SLC24A2: variants seen among roughly 807,000 people sequenced by gnomAD.
The protein encoded by SLC24A2 is solute carrier family 24 member 2.
A neutral mutation model predicts 62.0 loss-of-function variants in SLC24A2; 36 were observed. The observed-to-expected ratio is 0.58, with a 90% confidence interval of 0.44 to 0.77. SLC24A2 has a LOEUF of 0.77. Ranked by LOEUF, SLC24A2 falls within the 30% of genes least tolerant of loss-of-function variation. The probability of loss-of-function intolerance (pLI) is 0.00; values close to 1 mark genes in which losing one functional copy is unlikely to be tolerated. For missense variants in SLC24A2, 846 were observed against 817.9 expected, an observed-to-expected ratio of 1.03 and a Z score of -0.42; for synonymous variants, 358 against 294.0, an observed-to-expected ratio of 1.22 and a Z score of -2.23.
chr9:19,610,778 T>C (rs1298617718), intron 4 of SLC24A2, among the ~76,000 whole-genome samples: 1 of 152,232 alleles, frequency 6.6e-6, no homozygotes, highest in Non-Finnish European at 1.5e-5. Context: ...CAGAGCCCTT[T>C]GACAGGGCAT....
At chr9:19,567,956 G>A (rs1835724975) in intron 7 of SLC24A2, among the ~76,000 whole-genome samples, 1 of 152,200 alleles carries the variant, frequency 6.6e-6, no homozygotes, top group African/African-American at 2.4e-5. Flanking sequence ...GAGATGAGGT[G>A]ACAATGTGAA....
chr9:19,515,018 C>T lies in SLC24A2; in HGVS notation c.*1135G>A, dbSNP rs989158700. On this transcript the variant is annotated 3_prime_UTR_variant, in exon 11 of 11. Coordinates refer to ENST00000341998, the MANE Select transcript of SLC24A2 (RefSeq NM_020344.4). ...ATTAGGTGGCAAGGCCCACTAAGCA[C>T]CTTTACTGGATGACTTCTTATTGCA... The T allele has an allele frequency of 6.6e-6, 1 of 152,212 alleles. No homozygotes were observed. The highest frequency in any genetic ancestry group is 6.5e-5 in the Admixed American group (1 of 15,278). 9.4% of individuals were successfully genotyped at this position (152,212 alleles called of 1,614,324 possible). A position where few individuals can be genotyped will look rare whatever the true frequency, so the allele number is the denominator to read the frequency against.
chr9:20,140,303 G>T, the SLC24A2 span, among the ~76,000 whole-genome samples: 87 of 152,220 alleles, frequency 5.7e-4, no homozygotes, highest in Non-Finnish European at 9.6e-4. Context: ...ATGCATTTTT[G>T]TTCAAAACCT....
the SLC24A2 span, among the ~76,000 whole-genome samples, chr9:20,213,750 A>C: frequency 6.6e-6 from 1 of 152,224 alleles, no homozygotes; most frequent in African/African-American, 2.4e-5. Context: ...AAACTTATGT[A>C]AACTAATAAC....
At chr9:20,032,739 T>C in the SLC24A2 span, among the ~76,000 whole-genome samples, 1 of 152,294 alleles carries the variant, frequency 6.6e-6, no homozygotes, top group Non-Finnish European at 1.5e-5. Context: ...TTAGAGTTTC[T>C]TGCCATGAAT....
At chr9:19,725,014 G>T (rs1821130216) in intron 2 of SLC24A2, among the ~76,000 whole-genome samples, 1 of 152,064 alleles carries the variant, frequency 6.6e-6, no homozygotes, top group African/African-American at 2.4e-5. Context: ...TCCAGCGCTG[G>T]TCTGCACCAT....
chr9:19,967,548 G>A, the SLC24A2 span: 1 of 152,194 alleles, frequency 6.6e-6, no homozygotes, highest in Non-Finnish European at 1.5e-5. Context: ...GGGTAGCTCT[G>A]ATGCAATTTA....
the SLC24A2 span, among the ~76,000 whole-genome samples, chr9:20,184,105 AG>A: frequency 6.6e-6 from 1 of 152,270 alleles, no homozygotes; most frequent in African/African-American, 2.4e-5. Flanking sequence ...AAATGGGCAA[AG>A]AACCTGAATA....
the SLC24A2 span, among the ~76,000 whole-genome samples, chr9:20,205,155 G>A: frequency 6.6e-6 from 1 of 152,116 alleles, no homozygotes; most frequent in African/African-American, 2.4e-5. Context: ...ATAACTTGTT[G>A]AATTCTTAAT....
the SLC24A2 span, among the ~76,000 whole-genome samples, chr9:20,138,280 C>A: frequency 6.6e-6 from 1 of 152,052 alleles, no homozygotes; most frequent in African/African-American, 2.4e-5. Flanking sequence ...GCCAAATGTG[C>A]TTTGTCATTT....
At chr9:19,665,736 C>T (rs1431167758) in intron 2 of SLC24A2, among the ~76,000 whole-genome samples, 1 of 152,070 alleles carries the variant, frequency 6.6e-6, no homozygotes, top group Non-Finnish European at 1.5e-5. Context: ...GTGATCTGCC[C>T]ACCTCAGCCC....
At chr9:20,113,373 T>C in the SLC24A2 span, among the ~76,000 whole-genome samples, 1 of 152,168 alleles carries the variant, frequency 6.6e-6, no homozygotes, top group Non-Finnish European at 1.5e-5. Context: ...TTCACAGGAC[T>C]GTTTGAGCAT....
At chr9:19,652,509 T>C (rs76003794) in intron 2 of SLC24A2, among the ~76,000 whole-genome samples, 2,142 of 152,094 alleles carry the variant, frequency 0.014, 59 homozygotes, top group African/African-American at 0.049. Flanking sequence ...GTGATGCACT[T>C]TGAAGATGGG....
chr9:19,752,630 A>G (rs1822019677), intron 2 of SLC24A2, among the ~76,000 whole-genome samples: 1 of 151,224 alleles, frequency 6.6e-6, no homozygotes, highest in Non-Finnish European at 1.5e-5. Context: ...TTAATAAAAA[A>G]CCTAACTCAT....
At chr9:19,717,935 G>C (rs1820905093) in intron 2 of SLC24A2, among the ~76,000 whole-genome samples, 1 of 151,316 alleles carries the variant, frequency 6.6e-6, no homozygotes, top group Non-Finnish European at 1.5e-5. Flanking sequence ...ATCAGATTGG[G>C]ATGTCTAAAG....
At chr9:19,806,712 A>G in the SLC24A2 span, among the ~76,000 whole-genome samples, 1 of 152,202 alleles carries the variant, frequency 6.6e-6, no homozygotes. Flanking sequence ...TCTTCTAGTC[A>G]TTTAAGAACA....
the SLC24A2 span, among the ~76,000 whole-genome samples, chr9:19,885,451 T>G: frequency 6.6e-6 from 1 of 152,212 alleles, no homozygotes; most frequent in African/African-American, 2.4e-5. Flanking sequence ...CATGTTCACA[T>G]ACAATGTCTG....
chr9:19,591,167 C>A (rs1836538048), intron 5 of SLC24A2, among the ~76,000 whole-genome samples: 1 of 152,096 alleles, frequency 6.6e-6, no homozygotes, highest in Admixed American at 6.6e-5. Context: ...TATTTTATGA[C>A]CCCCAAATTT....
the SLC24A2 span, among the ~76,000 whole-genome samples, chr9:19,821,491 C>G: frequency 2.0e-5 from 3 of 152,152 alleles, no homozygotes; most frequent in Non-Finnish European, 4.4e-5. Flanking sequence ...CAAACGAGAA[C>G]AGGACTGGCT....
Sources: allele counts gnomAD v4.1 joint callset (sites outside exome capture counted in the v4.1 genomes callset), GRCh38; gene constraint gnomAD v4.1.1; transcripts MANE v1.5; gene names NCBI Gene and HGNC (gene_info 2026-07-23, HGNC 2026-07-21).